Variants in PDS5B observed in about 807,000 individuals in gnomAD.
The protein encoded by PDS5B is PDS5 cohesin associated factor B.
Under a neutral mutation model 184.1 loss-of-function variants are expected in PDS5B, and 51 were observed. The ratio of observed to expected loss-of-function variants is 0.28; its 90% CI spans 0.22 to 0.35. The LOEUF is 0.35. Among genes scored for constraint, PDS5B ranks in the 10% least tolerant of loss-of-function variants. The pLI is 1.00. For missense variants in PDS5B, 1,180 were observed against 1,723.3 expected (o/e 0.68, Z 5.58); for synonymous variants, 566 against 569.2 (o/e 0.99, Z 0.08).
intron 31 of PDS5B, 82 bp downstream of exon 31, chr13:32,764,676 C>T (rs574354924): frequency 7.2e-5 from 48 of 669,676 alleles, no homozygotes; most frequent in Non-Finnish European, 1.1e-4. Context: ...GTTAACATGA[C>T]TATCAAATTT....
At chr13:32,711,913 G>A (rs889441108) in intron 19 of PDS5B, among the ~76,000 whole-genome samples, 1 of 152,148 alleles carries the variant, frequency 6.6e-6, no homozygotes, top group Non-Finnish European at 1.5e-5. Flanking sequence ...AGTGAAGTGC[G>A]GTTATTATCC....
chr13:32,695,590 T>C (rs2140852946), intron 14 of PDS5B, among the ~76,000 whole-genome samples: 1 of 152,112 alleles, frequency 6.6e-6, no homozygotes, highest in East Asian at 1.9e-4. Flanking sequence ...GTATATAAAA[T>C]TATTTGTGTT....
chr13:32,772,587 T>C (rs552979836), intron 33 of PDS5B, among the ~76,000 whole-genome samples: 5 of 151,750 alleles, frequency 3.3e-5, no homozygotes, highest in Non-Finnish European at 5.9e-5. Context: ...TTGTGGGGAG[T>C]TGGGGAGCAG....
At chr13:32,750,210 G>C (rs1384239135) in intron 24 of PDS5B, among the ~76,000 whole-genome samples, 1 of 152,158 alleles carries the variant, frequency 6.6e-6, no homozygotes, top group Non-Finnish European at 1.5e-5. Context: ...CCTGCTACTT[G>C]TGTGATGCTT....
chr13:32,650,491 G>A (rs1950342252), intron 2 of PDS5B: 1 of 151,896 alleles, frequency 6.6e-6, no homozygotes, highest in Admixed American at 6.6e-5. Flanking sequence ...TTTTTTTCCT[G>A]TAACATTTTA....
intron 24 of PDS5B, among the ~76,000 whole-genome samples, chr13:32,749,621 G>C (rs530498575): frequency 6.6e-6 from 1 of 152,220 alleles, no homozygotes; most frequent in African/African-American, 2.4e-5. Context: ...CATGGTTATA[G>C]CCCAAAGAAG....
Position 32,624,030 on chromosome 13 carries a change from C to CTT in PDS5B, c.-19-24717_-19-24716dup, listed in dbSNP as rs200045091. Among the ~76,000 whole-genome samples the CTT allele has an allele frequency of 1.7e-4, 26 of 150,752 alleles. No homozygotes were observed. The South Asian group carries it at 4.6e-3, about 27-fold the overall frequency. ...TTTCACCATGTTGGCCAAGCTATTC[C>CTT]TTTTTTTTAAAAAAAAAAATTGTTA... On this transcript the variant is annotated intron_variant, in intron 1 of 34. Transcript: ENST00000315596.
intron 30 of PDS5B, chr13:32,763,599 A>G (rs1176645462): frequency 6.6e-6 from 1 of 152,054 alleles, no homozygotes; most frequent in African/African-American, 2.4e-5. Flanking sequence ...TTTCTAATGG[A>G]TTAGATGTGA....
At chr13:32,738,918 C>A (rs1953439017) in intron 21 of PDS5B, among the ~76,000 whole-genome samples, 1 of 152,154 alleles carries the variant, frequency 6.6e-6, no homozygotes, top group Non-Finnish European at 1.5e-5. Context: ...GTGATCCACC[C>A]AGTTCAGCCT....
intron 15 of PDS5B, among the ~76,000 whole-genome samples, chr13:32,697,321 T>C (rs1222397802): frequency 1.3e-5 from 2 of 152,236 alleles, no homozygotes; most frequent in African/African-American, 4.8e-5. Context: ...GAACATCTCC[T>C]TTGTTCAGTG....
intron 1 of PDS5B, among the ~76,000 whole-genome samples, chr13:32,599,271 A>AT (rs1436212491): frequency 1.3e-5 from 2 of 149,770 alleles, no homozygotes; most frequent in South Asian, 2.1e-4. Flanking sequence ...TTTTATTTTT[A>AT]TTTTTTTTGC....
intron 5 of PDS5B, among the ~76,000 whole-genome samples, chr13:32,658,895 A>AT (rs1950578573): frequency 6.6e-6 from 1 of 151,942 alleles, no homozygotes; most frequent in African/African-American, 2.4e-5. Context: ...GGCAGAACTG[A>AT]AGTTGCTTTT....
At chr13:32,657,614 C>A (rs1008105789) in intron 3 of PDS5B, among the ~76,000 whole-genome samples, 25 of 152,100 alleles carry the variant, frequency 1.6e-4, no homozygotes, top group Admixed American at 1.4e-3. Context: ...ATGTTGTTAG[C>A]TGGTTATTAT....
chr13:32,663,682 G>A (rs1486013470), intron 6 of PDS5B, among the ~76,000 whole-genome samples: 2 of 152,114 alleles, frequency 1.3e-5, no homozygotes, highest in Non-Finnish European at 2.9e-5. Context: ...AGGCAAAAAG[G>A]CAAACATGCT....
chr13:32,716,081 C>A (rs1463254632), intron 19 of PDS5B, among the ~76,000 whole-genome samples: 1 of 151,988 alleles, frequency 6.6e-6, no homozygotes, highest in African/African-American at 2.4e-5. Context: ...CCGGCCACCA[C>A]CCCGTCTGGG....
At chr13:32,726,234 A>G (rs1364737911) in intron 19 of PDS5B, among the ~76,000 whole-genome samples, 5 of 151,944 alleles carry the variant, frequency 3.3e-5, no homozygotes, top group African/African-American at 4.8e-5. Context: ...GATAAACTAT[A>G]TACACTTTTC....
intron 31 of PDS5B, among the ~76,000 whole-genome samples, chr13:32,768,807 G>GAA (rs1215944798): frequency 3.1e-5 from 1 of 32,048 alleles, no homozygotes. Flanking sequence ...AAAAAAAAAA[G>GAA]AAAAAAAAAA....
chr13:32,653,618 T>C (rs944888866), intron 3 of PDS5B, among the ~76,000 whole-genome samples: 1 of 152,118 alleles, frequency 6.6e-6, no homozygotes, highest in Non-Finnish European at 1.5e-5. Flanking sequence ...ATGAGGGAGG[T>C]AGAGGGCAAT....
Position 32,770,378 on chromosome 13 carries a change from A to T in PDS5B, c.3882A>T (p.Pro1294=), listed in dbSNP as rs754449680. 6.2e-7 allele frequency: 1 copy of T among 1,613,560 alleles called. No homozygotes were observed. The highest frequency in any genetic ancestry group is 1.7e-5 in the Admixed American group (1 of 59,942). ...PPKKGKRGRP[P]KPLGGGTPKE... is the part of the protein sequence containing the mutation. ...AAAAGGGTAAAAGAGGCCGACCACC[A>T]AAACCTCTTGGTGGAGGTACACCAA... The change falls in exon 32 of 35, where the codon CCA becomes CCT. Residue 1294 remains proline, a synonymous_variant. Transcript: ENST00000315596.
Sources: allele counts gnomAD v4.1 joint callset (sites outside exome capture counted in the v4.1 genomes callset), GRCh38; gene constraint gnomAD v4.1.1; transcripts MANE v1.5; gene names NCBI Gene and HGNC (gene_info 2026-07-23, HGNC 2026-07-21).